FRYL: variants seen among roughly 807,000 people sequenced by gnomAD.
The protein encoded by FRYL is protein furry homolog-like.
In FRYL, 150 loss-of-function variants were observed where a neutral mutation model predicts 351.2. That is an observed-to-expected ratio of 0.43 (90% CI 0.37 to 0.49). FRYL has a LOEUF of 0.49. FRYL is among the 20% of genes least tolerant of loss of function. The pLI, the probability that FRYL is intolerant of heterozygous loss-of-function variation, is 0.00. For missense variants in FRYL, 3,036 were observed against 3,619.3 expected, an observed-to-expected ratio of 0.84 and a Z score of 4.13; for synonymous variants, 1,153 against 1,257.1, an observed-to-expected ratio of 0.92 and a Z score of 1.75.
chr4:48,736,667 T>C (rs1210874801), intron 1 of FRYL, among the ~76,000 whole-genome samples: 1 of 151,298 alleles, frequency 6.6e-6, no homozygotes, highest in Non-Finnish European at 1.5e-5. Flanking sequence ...CTGGCCAACA[T>C]GGTGAAACCC....
At chr4:48,741,016 G>A (rs948760583) in intron 1 of FRYL, among the ~76,000 whole-genome samples, 17 of 151,908 alleles carry the variant, frequency 1.1e-4, no homozygotes, top group African/African-American at 2.7e-4. Flanking sequence ...TTGTTCTGTC[G>A]GTGAATAGAT....
intron 47 of FRYL, among the ~76,000 whole-genome samples, 155 bp downstream of exon 47, chr4:48,539,816 T>G (rs1202742715): frequency 1.3e-5 from 2 of 152,216 alleles, no homozygotes; most frequent in African/African-American, 2.4e-5. Context: ...GCCATTACTA[T>G]GCAAGTCCTT....
intron 1 of FRYL, among the ~76,000 whole-genome samples, chr4:48,770,282 T>G (rs557923891): frequency 2.0e-4 from 30 of 152,174 alleles, no homozygotes; most frequent in African/African-American, 6.3e-4. Flanking sequence ...TAAAAAAAAA[T>G]GTTTAAGTGA....
chr4:48,512,361 A>G, intron 57 of FRYL, 120 bp downstream of exon 57: 1 of 761,068 alleles, frequency 1.3e-6, no homozygotes, highest in Non-Finnish European at 2.1e-6. Context: ...TTAGCTTAGA[A>G]AAAAAAAATT....
chr4:48,663,304 C>A (rs1028442790), intron 3 of FRYL, among the ~76,000 whole-genome samples: 12 of 147,510 alleles, frequency 8.1e-5, no homozygotes, highest in African/African-American at 2.7e-4. Context: ...TTTTATAAAC[C>A]CCAGAACAGC....
chr4:48,627,850 C>A (rs1752135658), intron 4 of FRYL, among the ~76,000 whole-genome samples: 1 of 152,144 alleles, frequency 6.6e-6, no homozygotes, highest in African/African-American at 2.4e-5. Flanking sequence ...CAGCTTACTG[C>A]AACCTCTGCT....
chr4:48,669,894 G>A (rs1762369173), intron 3 of FRYL, among the ~76,000 whole-genome samples: 1 of 151,532 alleles, frequency 6.6e-6, no homozygotes, highest in South Asian at 2.1e-4. Context: ...TAAAAAGACA[G>A]CTTTTAAAAT....
chr4:48,633,064 G>A (rs1287873023), intron 4 of FRYL, among the ~76,000 whole-genome samples: 1 of 152,114 alleles, frequency 6.6e-6, no homozygotes, highest in African/African-American at 2.4e-5. Context: ...GTGAGTTTCA[G>A]CTGTTACAAC....
chr4:48,662,154 T>C (rs1003984126), intron 3 of FRYL, among the ~76,000 whole-genome samples: 10 of 152,200 alleles, frequency 6.6e-5, no homozygotes, highest in African/African-American at 2.2e-4. Context: ...AAAATATTAA[T>C]TGAGGACAGG....
chr4:48,553,988 G>A (rs1733511559), intron 35 of FRYL, among the ~76,000 whole-genome samples: 1 of 152,180 alleles, frequency 6.6e-6, no homozygotes, highest in Non-Finnish European at 1.5e-5. Flanking sequence ...ATAGCTATTA[G>A]GAAGATTAAA....
chr4:48,628,556 A>C (rs1435803984), intron 4 of FRYL, among the ~76,000 whole-genome samples: 1 of 151,746 alleles, frequency 6.6e-6, no homozygotes, highest in Admixed American at 6.6e-5. Context: ...GAGATTTGTT[A>C]AAGAATACAA....
chr4:48,608,721 A>G (rs960148651), intron 9 of FRYL, among the ~76,000 whole-genome samples: 2 of 152,220 alleles, frequency 1.3e-5, no homozygotes, highest in Non-Finnish European at 2.9e-5. Context: ...GGAAAAAGAT[A>G]GTGTCCTAAA....
intron 1 of FRYL, among the ~76,000 whole-genome samples, chr4:48,730,049 G>A (rs1276320410): frequency 3.3e-5 from 5 of 152,114 alleles, no homozygotes; most frequent in African/African-American, 9.7e-5. Context: ...ATGACCTGAT[G>A]GAGCTGAAAA....
chr4:48,582,813 TTAAAA>T, intron 19 of FRYL, 79 bp from the exon 20 acceptor site: 1 of 890,068 alleles, frequency 1.1e-6, no homozygotes, highest in Non-Finnish European at 1.8e-6. Flanking sequence ...AACTATGACC[TTAAAA>T]TAAATGTCCT....
chr4:48,581,546 A>G lies in FRYL; in HGVS notation c.2046T>C (p.Asn682=), dbSNP rs201622806. 18 of 1,613,812 alleles carry G rather than the reference A, an allele frequency of 1.1e-5. No individual in the cohort carries two copies. In the Admixed American group the frequency reaches 2.5e-4, roughly 22 times the overall value. The change falls in exon 21 of 64, where the codon AAT becomes AAC. Residue 682 remains asparagine (N), a synonymous_variant. Coordinates refer to ENST00000358350, the MANE Select transcript of FRYL (RefSeq NM_015030.2). ...CAAAGCCTTCAACCACATGGAATAC[A>G]TTGGAATATGGGCTCCTTTCCAGAG... The part of the protein sequence containing the change: ...PPPLERSPYS[N]VFHVVEGFAL...
chr4:48,534,129 G>A (rs1728345527), intron 49 of FRYL, among the ~76,000 whole-genome samples: 1 of 152,144 alleles, frequency 6.6e-6, no homozygotes, highest in African/African-American at 2.4e-5. Flanking sequence ...AGGAGGCTGA[G>A]GCAGGAGACT....
rs1726619884 is a variant in FRYL at position 48,527,893 on chromosome 4, C to T, written c.7140+78G>A. ...CGTAAGTAAGGTAAATTAGAAAAGG[C>T]AAGCAAGGAGACAGATCATTTCTTC... On this transcript the variant is annotated intron_variant, in intron 52 of 63. Coordinates refer to ENST00000358350, the MANE Select transcript of FRYL (RefSeq NM_015030.2). 1.2e-5 allele frequency: 15 copies of T among 1,221,968 alleles called. 1 individual carries two copies. The South Asian group carries it at 2.3e-4, about 19-fold the overall frequency. 75.7% of individuals were successfully genotyped at this position (1,221,968 alleles called of 1,614,324 possible).
In FRYL at chr4:48,674,508, C is replaced by T. The variant is rs367696137; in HGVS notation, c.-81+10165G>A. The stretch of plus-strand genomic sequence containing the variant: ...AAATTGCAACATAGGGAGGCCAAGG[C>T]GGGTAGATCACGAGGTCAGGAGATA... On this transcript the variant is annotated intron_variant, in intron 3 of 63. Transcript: ENST00000358350. Among the ~76,000 whole-genome samples the T allele has an allele frequency of 1.5e-3, 226 of 151,972 alleles. 1 individual carries two copies. The highest frequency in any genetic ancestry group is 4.6e-3 in the African/African-American group (192 of 41,434).
At chr4:48,688,461 A>G (rs1171979004) in intron 2 of FRYL, among the ~76,000 whole-genome samples, 2 of 152,334 alleles carry the variant, frequency 1.3e-5, no homozygotes, top group Non-Finnish European at 2.9e-5. Context: ...AATATTGTTT[A>G]TATCTGACTG....
Sources: gnomAD v4.1 joint callset for allele counts (sites outside exome capture counted in the v4.1 genomes callset) on GRCh38, gnomAD v4.1.1 for gene constraint, MANE v1.5 for transcripts, NCBI Gene and HGNC (gene_info 2026-07-23, HGNC 2026-07-21) for gene names.